The following MCC variants were observed in gnomAD, a reference collection of about 807,000 sequenced individuals.
MCC encodes colorectal mutant cancer protein.
Under a neutral mutation model 116.2 loss-of-function variants are expected in MCC, and 90 were observed. The observed-to-expected ratio is 0.77, with a 90% CI of 0.65 to 0.92. MCC has a LOEUF of 0.92. Among genes scored for constraint, MCC ranks in the 40% least tolerant of loss-of-function variants. The pLI is 0.00. For missense variants in MCC, 1,516 were observed against 1,312.2 expected, an observed-to-expected ratio of 1.16 and a Z score of -2.40; for synonymous variants, 578 against 510.5, an observed-to-expected ratio of 1.13 and a Z score of -1.78.
intron 1 of MCC, among the ~76,000 whole-genome samples, chr5:113,424,441 G>C (rs759228288): frequency 1.3e-5 from 2 of 152,164 alleles, no homozygotes; most frequent in Non-Finnish European, 2.9e-5. Flanking sequence ...CAGTCCAGGT[G>C]TGATGGCTCA....
rs1752633563 is a variant in MCC, at chr5:113,053,728, C to G, written c.2445G>C (p.Met815Ile). 1.2e-6 allele frequency: 2 copies of G among 1,604,758 alleles called. No individual in the cohort carries two copies. The highest frequency in any genetic ancestry group is 1.7e-6 in the Non-Finnish European group (2 of 1,172,158). Residue 815 changes from methionine to isoleucine, a missense_variant, in exon 15 of 19, where the codon ATG (methionine) becomes ATC (isoleucine). Met to Ile is a conservative substitution (Grantham distance 10). Coordinates refer to ENST00000408903, the MANE Select transcript of MCC (RefSeq NM_001085377.2). ...ATGGGACCCACCCACCACATACCTT[C>G]ATGGCCATGAGCTCCTGCATAAGCA... ...NAVLMQELMA[M>I]KEEMAELKAQ...
chr5:113,032,119 T>G (rs2150207941), intron 17 of MCC, among the ~76,000 whole-genome samples: 1 of 152,382 alleles, frequency 6.6e-6, no homozygotes, highest in East Asian at 1.9e-4. Context: ...TAAAAAATAC[T>G]GATTACAGGG....
At chr5:113,162,489 G>A (rs76637203) in intron 3 of MCC, among the ~76,000 whole-genome samples, 9,008 of 151,968 alleles carry the variant, frequency 0.059, 378 homozygotes, top group East Asian at 0.17. Context: ...CACAAGGGTC[G>A]TTGCAATCTT....
chr5:113,375,993 C>G (rs1194258363), intron 2 of MCC, among the ~76,000 whole-genome samples: 1 of 152,270 alleles, frequency 6.6e-6, no homozygotes, highest in East Asian at 1.9e-4. Flanking sequence ...AGCGAAGGCA[C>G]GTACTAGATA....
Position 113,266,252 on chromosome 5 carries a change from C to A in MCC, c.627+74267G>T, listed in dbSNP as rs140005723. On this transcript the variant is annotated intron_variant, in intron 3 of 18. Coordinates refer to ENST00000408903, the MANE Select transcript of MCC (RefSeq NM_001085377.2). ...TTCACCCCTTCTACACACACACACA[C>A]ACACACACACAAAACCATTATCACC... Among the ~76,000 whole-genome samples the A allele has an allele frequency of 5.3e-3, 799 of 152,108 alleles. 7 individuals are homozygous for A. Among genetic ancestry groups the A allele is most frequent in the Admixed American group, 0.012 (184 of 15,276 alleles).
chr5:113,194,814 T>C (rs2150315442), intron 3 of MCC, among the ~76,000 whole-genome samples: 1 of 152,316 alleles, frequency 6.6e-6, no homozygotes, highest in African/African-American at 2.4e-5. Flanking sequence ...ATATAGTCAT[T>C]CCTCGAGGAC....
chr5:113,277,851 G>T (rs1188359582), intron 3 of MCC, among the ~76,000 whole-genome samples: 1 of 152,162 alleles, frequency 6.6e-6, no homozygotes, highest in East Asian at 1.9e-4. Context: ...CAGCCATGAA[G>T]ACCAAAGATG....
In MCC at chr5:113,084,116, T is replaced by G; in HGVS notation, c.1620A>C (p.Glu540Asp). ...GAACACTCACCCCTATGCTACTGAT[T>G]TCTGAGCCCAGGACTGGCCGATCAG... ...SSSDRPVLGS[E>D]ISSIGVSSSV... is the part of the protein sequence containing the mutation. Residue 540 changes from glutamate (E) to aspartate (D), a missense_variant, in exon 10 of 19, where the codon GAA becomes GAC. Transcript: ENST00000408903. 6 of 1,614,148 alleles carry G rather than the reference T, an allele frequency of 3.7e-6. No homozygotes were observed. The highest frequency in any genetic ancestry group is 1.6e-4 in the Middle Eastern group (1 of 6,062).
intron 6 of MCC, among the ~76,000 whole-genome samples, chr5:113,110,964 G>C (rs1440615097): frequency 6.6e-6 from 1 of 152,160 alleles, no homozygotes; most frequent in South Asian, 2.1e-4. Context: ...GACTCAGCAC[G>C]CCCAACCCAC....
At chr5:113,089,299 C>G (rs1755433073) in intron 8 of MCC, among the ~76,000 whole-genome samples, 1 of 152,108 alleles carries the variant, frequency 6.6e-6, no homozygotes, top group South Asian at 2.1e-4. Flanking sequence ...CTGAACTGTT[C>G]AACAAGCAAA....
chr5:113,173,935 T>C lies in MCC; in HGVS notation c.628-22513A>G, dbSNP rs117884544. ...ACACCACTCTAACAGCATAACCAATTCCAAAGACAGAGACCTTTCTACATT... is the reference window on the plus strand; with the variant it reads ...ACACCACTCTAACAGCATAACCAATCCCAAAGACAGAGACCTTTCTACATT... On this transcript the variant is annotated intron_variant, in intron 3 of 18. Coordinates refer to ENST00000408903, the MANE Select transcript of MCC (RefSeq NM_001085377.2). Among the ~76,000 whole-genome samples the C allele has an allele frequency of 2.2e-4, 34 of 152,048 alleles. No individual in the cohort carries two copies. The East Asian group carries it at 6.4e-3, about 29-fold the overall frequency.
chr5:113,449,711 T>C (rs1338048638), intron 1 of MCC, among the ~76,000 whole-genome samples: 4 of 152,204 alleles, frequency 2.6e-5, no homozygotes, highest in African/African-American at 7.2e-5. Context: ...TTATAGCTGT[T>C]ACATCCCAGG....
intron 6 of MCC, among the ~76,000 whole-genome samples, chr5:113,117,488 G>T (rs968453747): frequency 6.6e-6 from 1 of 152,206 alleles, no homozygotes; most frequent in African/African-American, 2.4e-5. Flanking sequence ...AACCCTCAGG[G>T]TATAATGGTT....
rs1396719202 is a variant in MCC, at chr5:113,043,524, G to A, written c.2756+6C>T. 1 of 1,613,028 alleles carries A rather than the reference G, an allele frequency of 6.2e-7. No homozygotes were observed. Among genetic ancestry groups the A allele is most frequent in the South Asian group, 1.1e-5 (1 of 90,856 alleles). Reference sequence around the variant, plus strand: ...ACACCAGCTGGGGTGGGGAAAGGGTGCTTACCGACGAATGGCGTTGGTGAA... The same window carrying A: ...ACACCAGCTGGGGTGGGGAAAGGGTACTTACCGACGAATGGCGTTGGTGAA... On this transcript the variant is annotated splice_donor_region_variant and intron_variant, in intron 17 of 18. Transcript: ENST00000408903.
intron 1 of MCC, among the ~76,000 whole-genome samples, chr5:113,406,547 A>T (rs890684543): frequency 6.6e-6 from 1 of 152,212 alleles, no homozygotes; most frequent in Non-Finnish European, 1.5e-5. Flanking sequence ...CAATAAAAAG[A>T]GTTCTCTATA....
intron 3 of MCC, among the ~76,000 whole-genome samples, chr5:113,158,957 G>A (rs1760329896): frequency 6.6e-6 from 1 of 152,102 alleles, no homozygotes; most frequent in Non-Finnish European, 1.5e-5. Context: ...GTGGATGTGG[G>A]GCGGGGGTGA....
intron 3 of MCC, among the ~76,000 whole-genome samples, chr5:113,301,129 A>G (rs1482625316): frequency 6.6e-6 from 1 of 152,222 alleles, no homozygotes; most frequent in East Asian, 1.9e-4. Context: ...GCTTTCACAG[A>G]GCTAGCACTC....
intron 3 of MCC, among the ~76,000 whole-genome samples, chr5:113,198,091 C>G (rs1762501894): frequency 6.6e-6 from 1 of 152,224 alleles, no homozygotes. Flanking sequence ...TGCAGGCCTT[C>G]TTTGTCATAC....
At chr5:113,242,298 T>TC (rs1764400479) in intron 3 of MCC, among the ~76,000 whole-genome samples, 2 of 152,220 alleles carry the variant, frequency 1.3e-5, no homozygotes, top group African/African-American at 4.8e-5. Flanking sequence ...TTCATTCTAG[T>TC]ATATTCACAT....
Sources: allele counts gnomAD v4.1 joint callset (sites outside exome capture counted in the v4.1 genomes callset), GRCh38; gene constraint gnomAD v4.1.1; transcripts MANE v1.5; gene names NCBI Gene and HGNC (gene_info 2026-07-23, HGNC 2026-07-21).